Variants in ROBO2 observed in about 807,000 individuals in gnomAD.
ROBO2 encodes the protein roundabout guidance receptor 2, also known as roundabout homolog 2.
In ROBO2, 53 loss-of-function variants were observed where a neutral mutation model predicts 160.8. The ratio of observed to expected loss-of-function variants is 0.33; its 90% CI spans 0.26 to 0.41. ROBO2 has a LOEUF of 0.41. Among genes scored for constraint, ROBO2 ranks in the 10% least tolerant of loss-of-function variants. The probability of loss-of-function intolerance (pLI) is 1.00; values close to 1 mark genes in which losing one functional copy is unlikely to be tolerated. For synonymous variants in ROBO2, 664 were observed against 611.7 expected, an observed-to-expected ratio of 1.09 and a Z score of -1.26; for missense variants, 1,577 against 1,722.4, an observed-to-expected ratio of 0.92 and a Z score of 1.49.
chr3:76,100,831 A>G (rs1225236850), intron 2 of ROBO2, among the ~76,000 whole-genome samples: 1 of 152,130 alleles, frequency 6.6e-6, no homozygotes. Context: ...TGGACTCTTC[A>G]ATACTGGGTT....
intron 2 of ROBO2, among the ~76,000 whole-genome samples, chr3:76,219,494 C>T (rs533787286): frequency 3.3e-5 from 5 of 152,148 alleles, no homozygotes; most frequent in African/African-American, 9.7e-5. Flanking sequence ...AAACAAACAA[C>T]CCCATCAAAA....
chr3:76,889,671 C>T (rs1256923879), intron 2 of ROBO2, among the ~76,000 whole-genome samples: 1 of 152,058 alleles, frequency 6.6e-6, no homozygotes, highest in Non-Finnish European at 1.5e-5. Flanking sequence ...CCATTAAAAT[C>T]CCCTGTGTGG....
intron 2 of ROBO2, among the ~76,000 whole-genome samples, chr3:76,775,436 T>C (rs1003185281): frequency 6.6e-6 from 1 of 150,904 alleles, no homozygotes; most frequent in African/African-American, 2.4e-5. Context: ...TTGTAAGATA[T>C]TTACAGGATT....
chr3:76,961,035 G>A (rs1345516356), intron 2 of ROBO2, among the ~76,000 whole-genome samples: 1 of 152,030 alleles, frequency 6.6e-6, no homozygotes, highest in Non-Finnish European at 1.5e-5. Context: ...TATAAGCACA[G>A]TTAATAAATG....
chr3:76,067,950 C>A (rs2068314886), intron 2 of ROBO2, among the ~76,000 whole-genome samples: 1 of 152,094 alleles, frequency 6.6e-6, no homozygotes, highest in Non-Finnish European at 1.5e-5. Context: ...TTTGTGTTCT[C>A]TTAAAATCTA....
intron 2 of ROBO2, among the ~76,000 whole-genome samples, chr3:76,882,077 G>A (rs1024669489): frequency 8.5e-5 from 12 of 141,746 alleles, no homozygotes; most frequent in South Asian, 2.4e-4. Flanking sequence ...CTGTTGGGTC[G>A]TAGGTTGGTT....
At position 77,593,175 on chromosome 3, in the gene ROBO2, C is replaced by G. The variant is rs533923935; in HGVS notation, c.2684-1967C>G. Reference sequence around the variant, plus strand: ...TGATATTCACACCATTATCTTAACTCTCTTTTAACAGACTAAAACAATCAC... The same window carrying G: ...TGATATTCACACCATTATCTTAACTGTCTTTTAACAGACTAAAACAATCAC... On this transcript the variant is annotated intron_variant, in intron 17 of 25. Transcript: ENST00000461745. Among the ~76,000 whole-genome samples, 3 of 151,222 alleles carry G rather than the reference C, an allele frequency of 2.0e-5. 1 individual carries two copies. The South Asian group carries it at 6.3e-4, about 32-fold the overall frequency.
At chr3:77,639,816 T>A (rs1442495207) in intron 24 of ROBO2, among the ~76,000 whole-genome samples, 1 of 152,112 alleles carries the variant, frequency 6.6e-6, no homozygotes, top group Non-Finnish European at 1.5e-5. Flanking sequence ...ATTTGTATAT[T>A]TTTTAAAAAG....
rs561974119 is a variant in ROBO2, at chr3:76,170,388, A to G, written c.109+232786A>G. Among the ~76,000 whole-genome samples, 6 of 152,322 alleles carry G rather than the reference A, an allele frequency of 3.9e-5. No individual in the cohort carries two copies. In the East Asian group the frequency reaches 1.2e-3, roughly 29 times the overall value. ...AATAACTTTTTACGTGCAGCTACAA[A>G]TTGAGGCCACTTAATATTAAATGTG... is the stretch of plus-strand genomic sequence containing the variant. On this transcript the variant is annotated intron_variant, in intron 2 of 26. Coordinates refer to the ROBO2 transcript ENST00000487694.
intron 2 of ROBO2, among the ~76,000 whole-genome samples, chr3:76,699,824 T>C (rs549172172): frequency 1.3e-5 from 2 of 152,260 alleles, no homozygotes; most frequent in Admixed American, 6.5e-5. Context: ...CTGTTTCCTC[T>C]TTAATTGTTT....
chr3:76,390,214 G>T (rs1237248229), intron 2 of ROBO2, among the ~76,000 whole-genome samples: 1 of 151,920 alleles, frequency 6.6e-6, no homozygotes, highest in Non-Finnish European at 1.5e-5. Context: ...GTTGGTTTAG[G>T]AACATTTGAA....
intron 2 of ROBO2, among the ~76,000 whole-genome samples, chr3:77,415,581 A>C (rs574508517): frequency 6.6e-6 from 1 of 152,144 alleles, no homozygotes; most frequent in South Asian, 2.1e-4. Context: ...TGGGCTCGCC[A>C]CTGGGCTCAT....
At chr3:76,440,871 T>A (rs1049108065) in intron 2 of ROBO2, among the ~76,000 whole-genome samples, 1 of 148,818 alleles carries the variant, frequency 6.7e-6, no homozygotes, top group African/African-American at 2.6e-5. Context: ...GCCTCCACTG[T>A]AAAACACAAA....
chr3:77,099,231 A>T (rs2071569046), intron 2 of ROBO2, among the ~76,000 whole-genome samples: 1 of 151,648 alleles, frequency 6.6e-6, no homozygotes, highest in Non-Finnish European at 1.5e-5. Flanking sequence ...GGCCCAGCTA[A>T]TTTTTGTATT....
intron 2 of ROBO2, among the ~76,000 whole-genome samples, chr3:77,309,234 A>G (rs372398252): frequency 2.0e-5 from 3 of 152,218 alleles, no homozygotes; most frequent in Admixed American, 1.3e-4. Context: ...AGCTTTACAT[A>G]TATATACTCA....
chr3:77,151,413 G>A (rs532014595), intron 2 of ROBO2, among the ~76,000 whole-genome samples: 1 of 152,102 alleles, frequency 6.6e-6, no homozygotes, highest in African/African-American at 2.4e-5. Flanking sequence ...TATTTAAGGC[G>A]AGGTAAATGG....
intron 2 of ROBO2, among the ~76,000 whole-genome samples, chr3:76,754,951 A>G (rs1308569170): frequency 6.6e-6 from 1 of 151,932 alleles, no homozygotes; most frequent in Non-Finnish European, 1.5e-5. Flanking sequence ...GTGAAAAAAC[A>G]CAATGGCTAT....
intron 2 of ROBO2, among the ~76,000 whole-genome samples, chr3:75,991,055 A>T (rs564903957): frequency 4.6e-5 from 7 of 152,304 alleles, no homozygotes; most frequent in Admixed American, 3.3e-4. Context: ...CTGAGCCTGA[A>T]TTATAGTACC....
intron 2 of ROBO2, among the ~76,000 whole-genome samples, chr3:76,161,681 C>G (rs1487026987): frequency 6.6e-6 from 1 of 152,184 alleles, no homozygotes; most frequent in Non-Finnish European, 1.5e-5. Context: ...AGGCATTTTT[C>G]GTCTTTTATC....
Sources: allele counts gnomAD v4.1 joint callset (sites outside exome capture counted in the v4.1 genomes callset), GRCh38; gene constraint gnomAD v4.1.1; transcripts MANE v1.5; gene names NCBI Gene and HGNC (gene_info 2026-07-23, HGNC 2026-07-21).